Variants in LUZP2 observed in about 807,000 individuals in gnomAD.
LUZP2 encodes leucine zipper protein 2.
LUZP2 carries 52 observed loss-of-function variants against 51.6 expected under a neutral mutation model. The ratio of observed to expected loss-of-function variants is 1.01; its 90% CI spans 0.81 to 1.27. The LOEUF (loss-of-function observed/expected upper bound fraction) is 1.27, where lower values mean the gene tolerates loss of function less well. Among genes scored for constraint, LUZP2 ranks in the 50% most tolerant of loss-of-function variants. The pLI, the probability that LUZP2 is intolerant of heterozygous loss-of-function variation, is 0.00. For missense variants in LUZP2, 436 were observed against 395.4 expected (o/e 1.10, Z -0.87); for synonymous variants, 154 against 137.3 (o/e 1.12, Z -0.85).
chr11:24,661,626 T>A (rs576136226), intron 1 of LUZP2, among the ~76,000 whole-genome samples: 122 of 152,322 alleles, frequency 8.0e-4, no homozygotes, highest in African/African-American at 2.8e-3. Flanking sequence ...AGCTCAGTTT[T>A]TCTTTGTATT....
chr11:24,790,316 C>G (rs1288956835), intron 5 of LUZP2, among the ~76,000 whole-genome samples: 1 of 151,924 alleles, frequency 6.6e-6, no homozygotes, highest in African/African-American at 2.4e-5. Flanking sequence ...TCAGTAACTC[C>G]CTACTGCCAA....
chr11:24,736,500 C>G (rs1428794695), intron 3 of LUZP2, among the ~76,000 whole-genome samples: 1 of 150,364 alleles, frequency 6.7e-6, no homozygotes, highest in African/African-American at 2.4e-5. Flanking sequence ...TCCTTCCTTC[C>G]TTCCTTCCTT....
chr11:24,967,121 C>T (rs1855606714), intron 7 of LUZP2, among the ~76,000 whole-genome samples: 1 of 151,684 alleles, frequency 6.6e-6, no homozygotes, highest in Non-Finnish European at 1.5e-5. Context: ...ATTAATATAG[C>T]TTTAGAGTTA....
intron 1 of LUZP2, among the ~76,000 whole-genome samples, chr11:24,651,841 A>G (rs774806867): frequency 6.6e-5 from 10 of 152,160 alleles, no homozygotes; most frequent in Non-Finnish European, 1.2e-4. Flanking sequence ...AAATTCTGCC[A>G]GCAGACTGCC....
intron 5 of LUZP2, among the ~76,000 whole-genome samples, chr11:24,873,075 G>T (rs1279550512): frequency 6.6e-6 from 1 of 152,182 alleles, no homozygotes; most frequent in East Asian, 1.9e-4. Context: ...CACAGGAGCA[G>T]CTGGAAATGC....
intron 1 of LUZP2, among the ~76,000 whole-genome samples, chr11:24,597,046 A>G (rs983402146): frequency 6.6e-6 from 1 of 152,202 alleles, no homozygotes; most frequent in Non-Finnish European, 1.5e-5. Context: ...TAGTAATTTC[A>G]ATAAAAGAGT....
At chr11:24,914,132 A>AG (rs1853723388) in intron 6 of LUZP2, among the ~76,000 whole-genome samples, 2 of 152,202 alleles carry the variant, frequency 1.3e-5, no homozygotes, top group Admixed American at 1.3e-4. Flanking sequence ...AAAAAAAATG[A>AG]GGCATGCATA....
intron 10 of LUZP2, among the ~76,000 whole-genome samples, chr11:25,056,038 T>C (rs1471490678): frequency 6.6e-6 from 1 of 152,180 alleles, no homozygotes; most frequent in East Asian, 1.9e-4. Context: ...TTTTGAATTA[T>C]ATACTTTAAT....
rs1855886931 is a variant in LUZP2, at chr11:24,976,588, C to T, written c.523-3C>T. On this transcript the variant is annotated splice_region_variant and splice_polypyrimidine_tract_variant and intron_variant, in intron 7 of 11. Transcript: ENST00000336930. ...TCTAGAAGATTTATCTCTTATTTTA[C>T]AGGCGCAGCAGCTTACTGATCTGGA... 4.5e-6 allele frequency: 7 copies of T among 1,570,026 alleles called. No homozygotes were observed. The highest frequency in any genetic ancestry group is 1.2e-5 in the South Asian group (1 of 85,148).
At chr11:24,613,353 C>T (rs1854184385) in intron 1 of LUZP2, among the ~76,000 whole-genome samples, 1 of 151,366 alleles carries the variant, frequency 6.6e-6, no homozygotes, top group Non-Finnish European at 1.5e-5. Flanking sequence ...TGCACAAACA[C>T]ACTTCTTTCT....
intron 5 of LUZP2, among the ~76,000 whole-genome samples, chr11:24,830,947 T>C (rs1269714589): frequency 6.6e-6 from 1 of 151,920 alleles, no homozygotes; most frequent in Non-Finnish European, 1.5e-5. Flanking sequence ...TAAGCCGAGA[T>C]CCTGCCACTG....
intron 1 of LUZP2, among the ~76,000 whole-genome samples, chr11:24,648,807 T>C (rs548016887): frequency 6.6e-6 from 1 of 152,102 alleles, no homozygotes; most frequent in African/African-American, 2.4e-5. Flanking sequence ...GCAGGAAATA[T>C]TCCACAATTT....
At chr11:24,738,344 G>C in intron 4 of LUZP2, 42 bp downstream of exon 4, 1 of 1,413,138 alleles carries the variant, frequency 7.1e-7, no homozygotes, top group Non-Finnish European at 9.9e-7. Context: ...TTTGGGCTGG[G>C]ACATTGTTAC....
intron 9 of LUZP2, among the ~76,000 whole-genome samples, chr11:25,045,304 T>C (rs1249739459): frequency 6.6e-6 from 1 of 151,204 alleles, no homozygotes; most frequent in Non-Finnish European, 1.5e-5. Context: ...AAAACAGTAG[T>C]AAACCAGACA....
chr11:24,678,031 C>T (rs1225867856), intron 1 of LUZP2, among the ~76,000 whole-genome samples: 2 of 123,266 alleles, frequency 1.6e-5, no homozygotes, highest in East Asian at 2.4e-4. Flanking sequence ...AGCGAGACTC[C>T]GTCAAAAAAA....
chr11:24,943,302 A>G (rs1037729722), intron 7 of LUZP2, among the ~76,000 whole-genome samples: 1 of 152,174 alleles, frequency 6.6e-6, no homozygotes, highest in Non-Finnish European at 1.5e-5. Context: ...TAGCAGAGAA[A>G]CAAATGCTTT....
rs556725384 is a variant in LUZP2, at chr11:24,991,824, T to A, written c.765+8531T>A. On this transcript the variant is annotated intron_variant, in intron 9 of 11. Coordinates refer to ENST00000336930, the MANE Select transcript of LUZP2 (RefSeq NM_001009909.4). ...ATCGCATTTCCCTGATCATTAGTGA[T>A]GTTGAGCATTTTTTCATATTTGTTG... Among the ~76,000 whole-genome samples the A allele has an allele frequency of 2.6e-5, 4 of 152,250 alleles. No individual in the cohort carries two copies. In the South Asian group the frequency reaches 8.3e-4, roughly 32 times the overall value.
At chr11:24,670,898 T>A (rs1347889394) in intron 1 of LUZP2, among the ~76,000 whole-genome samples, 1 of 151,950 alleles carries the variant, frequency 6.6e-6, no homozygotes, top group Admixed American at 6.6e-5. Context: ...TATGTAGCTA[T>A]CTATCTGTAA....
chr11:24,517,659 G>A lies in LUZP2; in HGVS notation c.62+20354G>A, dbSNP rs569441125. ...ACGTCACTGATTATTGTAAATTGTG[G>A]AGCCAATAATCCATAGTTTGCTTTC... On this transcript the variant is annotated intron_variant, in intron 1 of 11. Transcript: ENST00000336930. Among the ~76,000 whole-genome samples the A allele has an allele frequency of 4.0e-5, 6 of 151,802 alleles. No individual in the cohort carries two copies. In the South Asian group the frequency reaches 1.2e-3, roughly 31 times the overall value.
Sources: allele counts gnomAD v4.1 joint callset (sites outside exome capture counted in the v4.1 genomes callset), GRCh38; gene constraint gnomAD v4.1.1; transcripts MANE v1.5; gene names NCBI Gene and HGNC (gene_info 2026-07-23, HGNC 2026-07-21).